ABLIM1: variants seen among roughly 807,000 people sequenced by gnomAD.
ABLIM1 encodes the protein actin binding LIM protein 1, also known as actin-binding LIM protein 1.
Under a neutral mutation model 107.0 loss-of-function variants are expected in ABLIM1, and 40 were observed. That is an observed-to-expected ratio of 0.37 (90% confidence interval 0.29 to 0.49). The LOEUF (loss-of-function observed/expected upper bound fraction) is 0.49, where lower values mean the gene tolerates loss of function less well. ABLIM1 is among the 20% of genes least tolerant of loss of function. The pLI, the probability that ABLIM1 is intolerant of heterozygous loss-of-function variation, is 0.97. For synonymous variants in ABLIM1, 357 were observed against 357.3 expected, an observed-to-expected ratio of 1.00 and a Z score of 0.01; for missense variants, 857 against 1,008.5, an observed-to-expected ratio of 0.85 and a Z score of 2.04.
intron 1 of ABLIM1, among the ~76,000 whole-genome samples, chr10:114,749,875 C>T (rs76693495): frequency 0.011 from 1,723 of 152,266 alleles, 28 homozygotes; most frequent in African/African-American, 0.038. Flanking sequence ...TAAATGTCAC[C>T]TTCTCCATGA....
chr10:114,570,446 T>C (rs2071474338), intron 4 of ABLIM1, among the ~76,000 whole-genome samples: 1 of 152,190 alleles, frequency 6.6e-6, no homozygotes, highest in Non-Finnish European at 1.5e-5. Context: ...TCCTTAGGTG[T>C]CATATTTGAG....
the ABLIM1 span, among the ~76,000 whole-genome samples, chr10:114,787,089 G>A: frequency 1.3e-5 from 2 of 151,972 alleles, no homozygotes; most frequent in Admixed American, 6.5e-5. Flanking sequence ...TAGGAAGTGA[G>A]GAGCGTCTCT....
At chr10:114,769,303 A>G (rs1458059663), upstream of ABLIM1, among the ~76,000 whole-genome samples, 1 of 150,790 alleles carries the variant, frequency 6.6e-6, no homozygotes, top group African/African-American at 2.4e-5. Flanking sequence ...AGATCACGGC[A>G]CTGCACTCCA....
At chr10:114,715,546 T>G (rs2081643045) in intron 1 of ABLIM1, among the ~76,000 whole-genome samples, 2 of 152,094 alleles carry the variant, frequency 1.3e-5, no homozygotes, top group Admixed American at 6.5e-5. Context: ...ACGTTGCAGC[T>G]CAGATTACCC....
At chr10:114,513,416 C>G (rs2062239732) in intron 6 of ABLIM1, among the ~76,000 whole-genome samples, 1 of 152,036 alleles carries the variant, frequency 6.6e-6, no homozygotes, top group Non-Finnish European at 1.5e-5. Context: ...TTAAATCAAG[C>G]AAAAACATTT....
At chr10:114,791,489 T>A in the ABLIM1 span, among the ~76,000 whole-genome samples, 1 of 151,848 alleles carries the variant, frequency 6.6e-6, no homozygotes, top group Non-Finnish European at 1.5e-5. Flanking sequence ...ATACAAAAAA[T>A]TAGACGGGCG....
chr10:114,643,349 G>A (rs867392566), intron 1 of ABLIM1, among the ~76,000 whole-genome samples: 2 of 152,164 alleles, frequency 1.3e-5, no homozygotes, highest in Non-Finnish European at 2.9e-5. Flanking sequence ...GCACCAGACT[G>A]TACAAGATTC....
intron 1 of ABLIM1, among the ~76,000 whole-genome samples, chr10:114,698,854 A>T (rs1274188784): frequency 6.6e-6 from 1 of 152,194 alleles, no homozygotes; most frequent in East Asian, 1.9e-4. Context: ...TGACTCACAC[A>T]GGAGAAAAAA....
At chr10:114,739,872 A>T (rs891921682) in intron 1 of ABLIM1, among the ~76,000 whole-genome samples, 7 of 152,190 alleles carry the variant, frequency 4.6e-5, no homozygotes, top group Non-Finnish European at 7.3e-5. Context: ...GATTAAAGGA[A>T]GCTCAACCAA....
intron 6 of ABLIM1, among the ~76,000 whole-genome samples, chr10:114,513,842 C>T (rs2062330503): frequency 1.3e-5 from 2 of 152,256 alleles, no homozygotes; most frequent in South Asian, 4.2e-4. Context: ...ATTTAGTGCC[C>T]CTGCAAATTC....
intron 5 of ABLIM1, among the ~76,000 whole-genome samples, chr10:114,547,123 C>T (rs2067452112): frequency 6.8e-6 from 1 of 147,612 alleles, no homozygotes; most frequent in Non-Finnish European, 1.5e-5. Flanking sequence ...AAAAGGTATA[C>T]GGTGGAAAAT....
chr10:114,507,466 CT>C (rs1329906534), intron 6 of ABLIM1, among the ~76,000 whole-genome samples: 1 of 152,256 alleles, frequency 6.6e-6, no homozygotes, highest in African/African-American at 2.4e-5. Flanking sequence ...CAAAGAATTT[CT>C]GTATCCCACA....
intron 7 of ABLIM1, among the ~76,000 whole-genome samples, 156 bp downstream of exon 7, chr10:114,491,635 C>A (rs1434811254): frequency 2.0e-5 from 3 of 152,154 alleles, no homozygotes; most frequent in Non-Finnish European, 4.4e-5. Flanking sequence ...CTGATTAATA[C>A]TAACTGATGA....
rs146639042 is a variant in ABLIM1 at position 114,576,440 on chromosome 10, A to C, written c.380-841T>G. 8.5e-5 allele frequency among the ~76,000 whole-genome samples: 13 copies of C among 152,360 alleles called. 1 individual carries two copies. In the East Asian group the frequency reaches 2.5e-3, roughly 29 times the overall value. ...GGAAATCTCTGACCCTAACCTTGCTATCCCCAAGGTCAACTGATTCCAATT... is the reference window on the plus strand; with the variant it reads ...GGAAATCTCTGACCCTAACCTTGCTCTCCCCAAGGTCAACTGATTCCAATT... On this transcript the variant is annotated intron_variant, in intron 2 of 22. Transcript: ENST00000533213.
In ABLIM1 at chr10:114,522,539, T is replaced by G. The variant is rs543764727; in HGVS notation, c.894+22466A>C. Among the ~76,000 whole-genome samples, 3 of 152,322 alleles carry G rather than the reference T, an allele frequency of 2.0e-5. No homozygotes were observed. In the South Asian group the frequency reaches 6.2e-4, roughly 32 times the overall value. Reference sequence around the variant, plus strand: ...ATGAGCACAGACATAAGGAACCAGCTGCACAGAACCAAGACAATCTAGTAA... The same window carrying G: ...ATGAGCACAGACATAAGGAACCAGCGGCACAGAACCAAGACAATCTAGTAA... On this transcript the variant is annotated intron_variant, in intron 6 of 22. Coordinates refer to ENST00000533213, the MANE Select transcript of ABLIM1 (RefSeq NM_002313.7).
intron 1 of ABLIM1, among the ~76,000 whole-genome samples, chr10:114,700,737 G>GA (rs549588412): frequency 0.071 from 10,365 of 145,888 alleles, 599 homozygotes; most frequent in African/African-American, 0.16. Context: ...ATATCCCTGT[G>GA]AAAAAAAAAA....
chr10:114,725,076 T>C (rs962121793), intron 1 of ABLIM1, among the ~76,000 whole-genome samples: 5 of 152,194 alleles, frequency 3.3e-5, no homozygotes, highest in African/African-American at 1.2e-4. Flanking sequence ...AAAGGAAATC[T>C]TCCTCAACAA....
At chr10:114,646,769 T>C (rs1342453773) in intron 1 of ABLIM1, among the ~76,000 whole-genome samples, 3 of 152,158 alleles carry the variant, frequency 2.0e-5, no homozygotes, top group African/African-American at 7.2e-5. Context: ...GGATCACTCT[T>C]GGTATGTAGA....
intron 1 of ABLIM1, among the ~76,000 whole-genome samples, chr10:114,737,020 C>T (rs1050917200): frequency 1.2e-4 from 18 of 151,992 alleles, no homozygotes; most frequent in Admixed American, 2.6e-4. Flanking sequence ...AAAACCCCAT[C>T]TCTACTAAAA....
Sources: gnomAD v4.1 joint callset for allele counts (sites outside exome capture counted in the v4.1 genomes callset) on GRCh38, gnomAD v4.1.1 for gene constraint, MANE v1.5 for transcripts, NCBI Gene and HGNC (gene_info 2026-07-23, HGNC 2026-07-21) for gene names.